Variants in KAT6A observed in about 807,000 individuals in gnomAD.
KAT6A encodes histone acetyltransferase KAT6A.
KAT6A carries 9 observed loss-of-function variants against 198.4 expected under a neutral mutation model. The observed-to-expected ratio is 0.05, with a 90% CI of 0.03 to 0.08. The LOEUF (loss-of-function observed/expected upper bound fraction) is 0.08. Among genes scored for constraint, KAT6A ranks in the 10% least tolerant of loss-of-function variants. The probability of loss-of-function intolerance (pLI) is 1.00; values close to 1 mark genes in which losing one functional copy is unlikely to be tolerated. For missense variants in KAT6A, 2,077 were observed against 2,509.9 expected (o/e 0.83, Z 3.69); for synonymous variants, 890 against 883.0 (o/e 1.01, Z -0.14).
rs146107524 is a variant in KAT6A, at chr8:42,012,053, C to T, written c.601-24490G>A. Among the ~76,000 whole-genome samples, 1,266 of 152,264 alleles carry T rather than the reference C, an allele frequency of 8.3e-3. 17 individuals carry two copies. The highest frequency in any genetic ancestry group is 0.029 in the African/African-American group (1,226 of 41,568). On this transcript the variant is annotated intron_variant, in intron 2 of 16. Transcript: ENST00000265713. The stretch of plus-strand genomic sequence containing the variant: ...GTTAGGGAAATGCAAATTAAAATCA[C>T]AATGAAATACCACTATCTATTAGAA...
chr8:42,009,894 C>CA (rs538642816), intron 2 of KAT6A, among the ~76,000 whole-genome samples: 3,509 of 48,742 alleles, frequency 0.072, 204 homozygotes, highest in East Asian at 0.11. Flanking sequence ...AGCCCTGTCT[C>CA]AAAAAAAAAA....
chr8:42,049,929 G>C (rs1802517735), intron 1 of KAT6A, among the ~76,000 whole-genome samples: 1 of 152,178 alleles, frequency 6.6e-6, no homozygotes, highest in Non-Finnish European at 1.5e-5. Flanking sequence ...GAGTAAAAGT[G>C]CTTACTGAAT....
chr8:42,040,277 A>C (rs1418088421), intron 2 of KAT6A, among the ~76,000 whole-genome samples: 1 of 152,168 alleles, frequency 6.6e-6, no homozygotes, highest in Non-Finnish European at 1.5e-5. Flanking sequence ...AGCAAAGAAA[A>C]AACGAGGTTA....
chr8:42,019,344 T>C (rs553754727), intron 2 of KAT6A, among the ~76,000 whole-genome samples: 1 of 152,090 alleles, frequency 6.6e-6, no homozygotes. Flanking sequence ...TACATTAGTA[T>C]ATTGCTCAAT....
chr8:41,956,814 T>A (rs1822942210), intron 8 of KAT6A, among the ~76,000 whole-genome samples: 1 of 152,244 alleles, frequency 6.6e-6, no homozygotes, highest in African/African-American at 2.4e-5. Flanking sequence ...TAAGATTTCT[T>A]TCATTTCTCA....
At chr8:42,035,446 G>A (rs924021890) in intron 2 of KAT6A, among the ~76,000 whole-genome samples, 9 of 152,154 alleles carry the variant, frequency 5.9e-5, no homozygotes, top group African/African-American at 2.2e-4. Flanking sequence ...GAACACAGAG[G>A]TCTAGAAATA....
At chr8:42,042,549 T>G (rs1827718107) in intron 2 of KAT6A, among the ~76,000 whole-genome samples, 3 of 152,108 alleles carry the variant, frequency 2.0e-5, no homozygotes, top group African/African-American at 7.2e-5. Flanking sequence ...AAATATAAAT[T>G]CCAATAAAAC....
At chr8:41,935,678 T>C (rs1271832446) in intron 16 of KAT6A, among the ~76,000 whole-genome samples, 1 of 152,132 alleles carries the variant, frequency 6.6e-6, no homozygotes, top group Non-Finnish European at 1.5e-5. Context: ...AGAATAAGAA[T>C]ACCAAGACAA....
At chr8:42,043,717 T>A (rs910423094) in intron 2 of KAT6A, 1 of 152,234 alleles carries the variant, frequency 6.6e-6, no homozygotes, top group Non-Finnish European at 1.5e-5. Context: ...AGTGCAGTGA[T>A]AGCCATCATA....
chr8:41,954,314 T>C (rs1024517887), intron 9 of KAT6A, among the ~76,000 whole-genome samples: 7 of 152,238 alleles, frequency 4.6e-5, no homozygotes, highest in African/African-American at 1.4e-4. Context: ...GCACTCAACA[T>C]ATTGTAAGGT....
intron 8 of KAT6A, among the ~76,000 whole-genome samples, chr8:41,961,781 C>T (rs1587746799): frequency 6.7e-6 from 1 of 149,170 alleles, no homozygotes; most frequent in South Asian, 2.1e-4. Context: ...AAAGTATCTT[C>T]TTTAGCCCTC....
chr8:41,972,780 G>A (rs180995755), intron 8 of KAT6A, among the ~76,000 whole-genome samples: 3 of 152,156 alleles, frequency 2.0e-5, no homozygotes, highest in African/African-American at 7.2e-5. Flanking sequence ...TCTGTTTTTA[G>A]GAAATACACA....
intron 2 of KAT6A, among the ~76,000 whole-genome samples, chr8:42,004,472 C>A (rs547378605): frequency 6.6e-6 from 1 of 152,316 alleles, no homozygotes; most frequent in African/African-American, 2.4e-5. Flanking sequence ...TCTAAAACCA[C>A]TGACACATTT....
At chr8:41,960,996 G>A (rs1184476999) in intron 8 of KAT6A, among the ~76,000 whole-genome samples, 1 of 152,154 alleles carries the variant, frequency 6.6e-6, no homozygotes, top group African/African-American at 2.4e-5. Flanking sequence ...GAAAAACAGA[G>A]AATCATGCTA....
chr8:41,930,611 G>C lies in KAT6A; in HGVS notation c.*1594C>G, dbSNP rs1230086887. The C allele has an allele frequency of 1.1e-5, 2 of 175,756 alleles. No individual in the cohort carries two copies. Among genetic ancestry groups the C allele is most frequent in the Non-Finnish European group, 2.4e-5 (2 of 84,696 alleles). The allele number at this position is 175,756 out of a possible 1,614,324, so 10.9% of individuals were successfully genotyped here. ...CTCTAAGCAGTACTTCCCCCTTTTG[G>C]ATATTTGACTGCACATACCAAGTGG... On this transcript the variant is annotated 3_prime_UTR_variant, in exon 17 of 17. Coordinates refer to ENST00000265713, the MANE Select transcript of KAT6A (RefSeq NM_006766.5).
Position 42,005,763 on chromosome 8 carries a change from T to TACACAC in KAT6A, c.601-18206_601-18201dup, listed in dbSNP as rs142174569. On this transcript the variant is annotated intron_variant, in intron 2 of 16. Coordinates refer to ENST00000265713, the MANE Select transcript of KAT6A (RefSeq NM_006766.5). The stretch of plus-strand genomic sequence containing the variant: ...CACATATTCAAATGCTGCAAGCAAA[T>TACACAC]ACACACACACACACACACACACACA... Among the ~76,000 whole-genome samples, 229 of 142,124 alleles carry TACACAC rather than the reference T, an allele frequency of 1.6e-3. 1 individual carries two copies. Among genetic ancestry groups the TACACAC allele is most frequent in the Middle Eastern group, 7.2e-3 (2 of 276 alleles). 93.2% of individuals were successfully genotyped at this position (142,124 alleles called of 152,430 possible).
At chr8:41,995,123 T>A (rs1825133949) in intron 2 of KAT6A, among the ~76,000 whole-genome samples, 1 of 152,152 alleles carries the variant, frequency 6.6e-6, no homozygotes, top group African/African-American at 2.4e-5. Flanking sequence ...TAAGTATTAC[T>A]GAATAATTAA....
chr8:41,991,515 TC>T (rs1273320040), intron 2 of KAT6A, among the ~76,000 whole-genome samples: 1 of 152,258 alleles, frequency 6.6e-6, no homozygotes, highest in Non-Finnish European at 1.5e-5. Context: ...GGTAATGTTC[TC>T]TTTCAGGACC....
chr8:42,035,090 G>C (rs1388589983), intron 2 of KAT6A, among the ~76,000 whole-genome samples: 1 of 152,174 alleles, frequency 6.6e-6, no homozygotes, highest in Non-Finnish European at 1.5e-5. Flanking sequence ...GGAGAGAAAT[G>C]ATGAGGACCT....
Sources: gnomAD v4.1 joint callset for allele counts (sites outside exome capture counted in the v4.1 genomes callset) on GRCh38, gnomAD v4.1.1 for gene constraint, MANE v1.5 for transcripts, NCBI Gene and HGNC (gene_info 2026-07-23, HGNC 2026-07-21) for gene names.